The following PEAK1 variants were observed in gnomAD, a reference collection of about 807,000 sequenced individuals.
PEAK1 encodes inactive tyrosine-protein kinase PEAK1.
In PEAK1, 54 loss-of-function variants were observed where a neutral mutation model predicts 124.7. That is an observed-to-expected ratio of 0.43 (90% CI 0.35 to 0.54). The LOEUF (loss-of-function observed/expected upper bound fraction) is 0.54. Among genes scored for constraint, PEAK1 ranks in the 20% least tolerant of loss-of-function variants. The pLI is 0.01. For synonymous variants in PEAK1, 719 were observed against 760.0 expected, an observed-to-expected ratio of 0.95 and a Z score of 0.89; for missense variants, 2,046 against 2,134.5, an observed-to-expected ratio of 0.96 and a Z score of 0.82.
chr15:77,329,983 A>C (rs908637841), intron 2 of PEAK1, among the ~76,000 whole-genome samples: 79 of 152,304 alleles, frequency 5.2e-4, no homozygotes, highest in African/African-American at 1.8e-3. Context: ...CCTCTGAATC[A>C]CAAGACAGAA....
rs919217408 is a variant in PEAK1, at chr15:77,252,456, G to C, written c.-204C>G. The C allele has an allele frequency of 1.0e-6, 1 of 984,732 alleles. No individual in the cohort carries two copies. The highest frequency in any genetic ancestry group is 1.7e-5 in the African/African-American group (1 of 57,272). The allele number at this position is 984,732 out of a possible 1,614,324, so 61.0% of individuals were successfully genotyped here. On this transcript the variant is annotated 5_prime_UTR_variant, in exon 6 of 10. Transcript: ENST00000682557. ...TTCCTTCCAAATTTCAAGGTGCTTT[G>C]GGTCTTTCCAAGATGAATGTCCTTT...
At chr15:77,264,099 G>T (rs965953861) in intron 5 of PEAK1, among the ~76,000 whole-genome samples, 2 of 152,102 alleles carry the variant, frequency 1.3e-5, no homozygotes, top group Non-Finnish European at 2.9e-5. Flanking sequence ...TTGATGGGAC[G>T]TATCTCAAAA....
chr15:77,172,809 G>C (rs962506910), intron 7 of PEAK1, among the ~76,000 whole-genome samples: 1 of 152,168 alleles, frequency 6.6e-6, no homozygotes, highest in Non-Finnish European at 1.5e-5. Flanking sequence ...TTGGAGTGCA[G>C]TGGCGTGATT....
intron 1 of PEAK1, among the ~76,000 whole-genome samples, chr15:77,409,251 G>A (rs2072198017): frequency 6.6e-6 from 1 of 152,132 alleles, no homozygotes. Context: ...ATTTTTAAAT[G>A]GAATATTTCT....
At chr15:77,142,775 A>G (rs1414399511) in intron 8 of PEAK1, among the ~76,000 whole-genome samples, 5 of 152,202 alleles carry the variant, frequency 3.3e-5, no homozygotes, top group Non-Finnish European at 7.3e-5. Flanking sequence ...AAATTTCCAG[A>G]AATATATAAA....
At chr15:77,239,653 T>C (rs2060270348) in intron 6 of PEAK1, 1 of 173,118 alleles carries the variant, frequency 5.8e-6, no homozygotes, top group South Asian at 1.9e-4. Context: ...GGATGTCCCT[T>C]CATACGTCAA....
rs1487099195 is a variant in PEAK1, at chr15:77,377,954, T to C, written c.-665-12729A>G. On this transcript the variant is annotated intron_variant, in intron 1 of 9. Coordinates refer to ENST00000682557, the MANE Select transcript of PEAK1 (RefSeq NM_001385026.1). ...CTTTACTTCACCTAATAAAACTTAC[T>C]GAGCTTGGACATGTAAAAACCACAT... Among the ~76,000 whole-genome samples the C allele has an allele frequency of 4.6e-5, 7 of 152,240 alleles. No individual in the cohort carries two copies. In the East Asian group the frequency reaches 1.2e-3, roughly 25 times the overall value.
At chr15:77,400,533 T>C (rs1483337245) in intron 1 of PEAK1, among the ~76,000 whole-genome samples, 1 of 152,112 alleles carries the variant, frequency 6.6e-6, no homozygotes, top group South Asian at 2.1e-4. Flanking sequence ...TGGAGGTCAT[T>C]ATGTTATGTG....
chr15:77,262,014 T>A (rs1030740555), intron 5 of PEAK1, among the ~76,000 whole-genome samples: 1 of 152,044 alleles, frequency 6.6e-6, no homozygotes, highest in Non-Finnish European at 1.5e-5. Context: ...AAACTAAGCT[T>A]CATAAGTGAA....
At chr15:77,240,390 T>C (rs1160960668) in intron 6 of PEAK1, among the ~76,000 whole-genome samples, 1 of 151,912 alleles carries the variant, frequency 6.6e-6, no homozygotes, top group African/African-American at 2.4e-5. Flanking sequence ...GAGGCCAAGG[T>C]GGGAGGATCA....
intron 1 of PEAK1, among the ~76,000 whole-genome samples, chr15:77,395,882 A>G (rs1362661501): frequency 6.6e-6 from 1 of 152,230 alleles, no homozygotes; most frequent in Admixed American, 6.5e-5. Flanking sequence ...CTAAAGGTAC[A>G]AAACTCACTG....
chr15:77,233,401 G>C (rs1317358106), intron 6 of PEAK1, among the ~76,000 whole-genome samples: 1 of 152,052 alleles, frequency 6.6e-6, no homozygotes, highest in Non-Finnish European at 1.5e-5. Flanking sequence ...TCATATAGTT[G>C]ATTACTCCAT....
rs113937076 is a variant in PEAK1, at chr15:77,168,237, G to GCACACACACACACA, written c.3138-9555_3138-9542dup. Among the ~76,000 whole-genome samples the GCACACACACACACA allele has an allele frequency of 3.0e-3, 440 of 147,278 alleles. 2 individuals are homozygous for GCACACACACACACA. The highest frequency in any genetic ancestry group is 0.014 in the Middle Eastern group (4 of 290). On this transcript the variant is annotated intron_variant, in intron 7 of 9. Coordinates refer to ENST00000682557, the MANE Select transcript of PEAK1 (RefSeq NM_001385026.1). The stretch of plus-strand genomic sequence containing the variant: ...TACATGCACATATGCATGTGCGCGC[G>GCACACACACACACA]CACACACACACACACACACACACAC...
intron 2 of PEAK1, among the ~76,000 whole-genome samples, chr15:77,357,806 T>C (rs2067617331): frequency 6.6e-6 from 1 of 152,206 alleles, no homozygotes; most frequent in Admixed American, 6.5e-5. Flanking sequence ...ACATACCTTT[T>C]CTATTTTTTT....
intron 6 of PEAK1, among the ~76,000 whole-genome samples, chr15:77,203,055 G>T (rs1010177492): frequency 6.7e-6 from 1 of 148,398 alleles, no homozygotes; most frequent in African/African-American, 2.5e-5. Context: ...AAAAAAAAAA[G>T]AAAAACATAA....
chr15:77,305,272 GAATA>G (rs901209893), intron 2 of PEAK1, among the ~76,000 whole-genome samples: 1 of 151,980 alleles, frequency 6.6e-6, no homozygotes, highest in Non-Finnish European at 1.5e-5. Flanking sequence ...GAAAAATTAT[GAATA>G]AATTAGAAAT....
intron 6 of PEAK1, among the ~76,000 whole-genome samples, chr15:77,186,770 C>T (rs1196116119): frequency 6.6e-6 from 1 of 152,182 alleles, no homozygotes; most frequent in East Asian, 1.9e-4. Flanking sequence ...CAAAGAGGTG[C>T]ACTTAAAGAC....
chr15:77,155,471 T>G (rs2055040993), intron 8 of PEAK1: 1 of 152,284 alleles, frequency 6.6e-6, no homozygotes, highest in African/African-American at 2.4e-5. Flanking sequence ...GTCTGAAGCC[T>G]TCTTCTCTCA....
At chr15:77,301,943 A>C (rs967415702) in intron 2 of PEAK1, among the ~76,000 whole-genome samples, 1 of 152,240 alleles carries the variant, frequency 6.6e-6, no homozygotes, top group African/African-American at 2.4e-5. Flanking sequence ...ATTATGATCC[A>C]ACAATACTTT....
Sources: gnomAD v4.1 joint callset for allele counts (sites outside exome capture counted in the v4.1 genomes callset) on GRCh38, gnomAD v4.1.1 for gene constraint, MANE v1.5 for transcripts, NCBI Gene and HGNC (gene_info 2026-07-23, HGNC 2026-07-21) for gene names.